SNTG1: variants seen among roughly 807,000 people sequenced by gnomAD.
SNTG1 encodes syntrophin gamma 1, also known as gamma-1-syntrophin.
SNTG1 carries 39 observed loss-of-function variants against 74.7 expected under a neutral mutation model. The ratio of observed to expected loss-of-function variants is 0.52; its 90% confidence interval spans 0.40 to 0.68. The LOEUF is 0.68. Among genes scored for constraint, SNTG1 ranks in the 30% least tolerant of loss-of-function variants. The pLI, the probability that SNTG1 is intolerant of heterozygous loss-of-function variation, is 0.00. For synonymous variants in SNTG1, 254 were observed against 217.1 expected (o/e 1.17, Z -1.49); for missense variants, 685 against 609.5 (o/e 1.12, Z -1.30).
At chr8:50,153,530 G>C (rs112734740) in intron 1 of SNTG1, among the ~76,000 whole-genome samples, 2 of 152,126 alleles carry the variant, frequency 1.3e-5, no homozygotes, top group Admixed American at 6.5e-5. Context: ...CATCTTTGTG[G>C]TTTTATTTAC....
chr8:50,547,498 T>C (rs548661727), intron 11 of SNTG1, among the ~76,000 whole-genome samples: 61 of 152,304 alleles, frequency 4.0e-4, no homozygotes, highest in African/African-American at 1.4e-3. Context: ...TTTGTATAGT[T>C]CTTTCAATCT....
chr8:50,123,878 G>A lies in SNTG1; in HGVS notation c.-102-48683G>A, dbSNP rs1341159916. Among the ~76,000 whole-genome samples, 15 of 142,296 alleles carry A rather than the reference G, an allele frequency of 1.1e-4. 3 individuals are homozygous for A. The highest frequency in any genetic ancestry group is 2.4e-4 in the Non-Finnish European group (15 of 63,776). 93.4% of individuals were successfully genotyped at this position (142,296 alleles called of 152,430 possible). On this transcript the variant is annotated intron_variant, in intron 1 of 18. Coordinates refer to ENST00000642720, the MANE Select transcript of SNTG1 (RefSeq NM_018967.5). ...ATACAGGTAGTAAGTAGCAGGGCTT[G>A]GAGTCAAACGTAGACATCCCATTTC...
chr8:50,749,755 T>C (rs1228463647), intron 17 of SNTG1, among the ~76,000 whole-genome samples: 2 of 152,036 alleles, frequency 1.3e-5, no homozygotes, highest in African/African-American at 2.4e-5. Context: ...TTACTGAATA[T>C]GTTAAGTCCA....
At chr8:49,969,971 T>A (rs750573418) in intron 1 of SNTG1, among the ~76,000 whole-genome samples, 13 of 151,886 alleles carry the variant, frequency 8.6e-5, no homozygotes, top group Admixed American at 3.3e-4. Context: ...TGCTATTGAA[T>A]CCTTATAAAA....
At chr8:50,495,840 A>T (rs1051149777) in intron 8 of SNTG1, among the ~76,000 whole-genome samples, 12 of 152,132 alleles carry the variant, frequency 7.9e-5, no homozygotes, top group Admixed American at 7.2e-4. Flanking sequence ...CTCTGGAAAC[A>T]TGAATGTGCT....
intron 1 of SNTG1, among the ~76,000 whole-genome samples, chr8:50,139,666 GA>G (rs1025832497): frequency 2.6e-5 from 4 of 152,188 alleles, no homozygotes; most frequent in African/African-American, 7.2e-5. Context: ...ATTGAGCAAG[GA>G]AAAGAAGAAA....
chr8:50,584,433 TC>T (rs1208249054), intron 12 of SNTG1, among the ~76,000 whole-genome samples: 2 of 151,924 alleles, frequency 1.3e-5, no homozygotes, highest in Non-Finnish European at 2.9e-5. Flanking sequence ...ACCTACTGTT[TC>T]CTGACTTTTT....
intron 8 of SNTG1, among the ~76,000 whole-genome samples, chr8:50,451,578 C>T (rs913647815): frequency 6.6e-6 from 1 of 152,030 alleles, no homozygotes; most frequent in Non-Finnish European, 1.5e-5. Context: ...TCCAGTTTTT[C>T]GGCAGTATTT....
intron 4 of SNTG1, among the ~76,000 whole-genome samples, chr8:50,404,246 C>A (rs965326740): frequency 6.6e-6 from 1 of 152,002 alleles, no homozygotes; most frequent in African/African-American, 2.4e-5. Context: ...ACCCTGAAAA[C>A]TACAAAAACT....
chr8:50,551,534 A>G (rs1256730507), intron 11 of SNTG1, among the ~76,000 whole-genome samples: 1 of 152,184 alleles, frequency 6.6e-6, no homozygotes, highest in African/African-American at 2.4e-5. Context: ...AGAAAGAAAT[A>G]TGTATTACTA....
intron 5 of SNTG1, among the ~76,000 whole-genome samples, chr8:50,442,388 C>A (rs1048632201): frequency 6.6e-6 from 1 of 152,034 alleles, no homozygotes; most frequent in Non-Finnish European, 1.5e-5. Flanking sequence ...TACTTTAGAG[C>A]CTGGAAGGAG....
chr8:50,792,044 T>G (rs954665464), intron 18 of SNTG1, among the ~76,000 whole-genome samples: 1 of 151,736 alleles, frequency 6.6e-6, no homozygotes, highest in Non-Finnish European at 1.5e-5. Context: ...GAAACCTATT[T>G]CTAAAAATCC....
chr8:50,558,172 A>C (rs1261590776), intron 12 of SNTG1, among the ~76,000 whole-genome samples: 1 of 152,168 alleles, frequency 6.6e-6, no homozygotes, highest in Non-Finnish European at 1.5e-5. Context: ...ATTTTTCCAG[A>C]ACCTTTAGAT....
intron 1 of SNTG1, among the ~76,000 whole-genome samples, chr8:50,094,742 G>C (rs1218257644): frequency 2.0e-5 from 3 of 152,162 alleles, no homozygotes; most frequent in Non-Finnish European, 4.4e-5. Flanking sequence ...GTGGAAAGCA[G>C]TTTGGAGATT....
intron 2 of SNTG1, among the ~76,000 whole-genome samples, chr8:50,308,463 G>T (rs2089984974): frequency 6.6e-6 from 1 of 151,742 alleles, no homozygotes; most frequent in African/African-American, 2.4e-5. Context: ...ACCTCCTTTT[G>T]TGTGGTCATT....
chr8:50,423,776 T>C (rs531170416), intron 4 of SNTG1, among the ~76,000 whole-genome samples: 1 of 152,180 alleles, frequency 6.6e-6, no homozygotes, highest in South Asian at 2.1e-4. Flanking sequence ...GTAAAAAATA[T>C]AATAAAACCT....
intron 2 of SNTG1, among the ~76,000 whole-genome samples, chr8:50,235,355 CAT>C (rs2085834233): frequency 6.6e-6 from 1 of 152,154 alleles, no homozygotes; most frequent in Admixed American, 6.5e-5. Context: ...GAAAGACAAA[CAT>C]AGCAAGATTT....
intron 1 of SNTG1, among the ~76,000 whole-genome samples, chr8:49,978,790 T>C (rs1812413462): frequency 6.6e-6 from 1 of 152,216 alleles, no homozygotes; most frequent in Admixed American, 6.5e-5. Flanking sequence ...TAGCAGGTTC[T>C]ATATTTCTGT....
rs377308577 is a variant in SNTG1 at position 50,255,579 on chromosome 8, C to T, written c.-28+82944C>T. ...TGCTCTGTGCCCCTCTCATAGCTTC[C>T]GGTGGTTTGCTGGCAGTTCTTAGTG... On this transcript the variant is annotated intron_variant, in intron 2 of 18. Coordinates refer to ENST00000642720, the MANE Select transcript of SNTG1 (RefSeq NM_018967.5). Among the ~76,000 whole-genome samples, 8 of 152,252 alleles carry T rather than the reference C, an allele frequency of 5.3e-5. 1 individual carries two copies. Among genetic ancestry groups the T allele is most frequent in the African/African-American group, 9.6e-5 (4 of 41,540 alleles).
Sources: allele counts gnomAD v4.1 joint callset (sites outside exome capture counted in the v4.1 genomes callset), GRCh38; gene constraint gnomAD v4.1.1; transcripts MANE v1.5; gene names NCBI Gene and HGNC (gene_info 2026-07-23, HGNC 2026-07-21).